INSL6: variants seen among roughly 807,000 people sequenced by gnomAD.
INSL6 encodes the protein insulin-like peptide INSL6.
In INSL6, 16 loss-of-function variants were observed where a neutral mutation model predicts 9.4. The ratio of observed to expected loss-of-function variants is 1.70; its 90% CI spans 1.15 to 2.59. INSL6 has a LOEUF of 2.59. Ranked by LOEUF, INSL6 falls within the 30% of genes most tolerant of loss-of-function variation. The pLI is 0.00. For missense variants in INSL6, 391 were observed against 257.3 expected (o/e 1.52, Z -3.56); for synonymous variants, 154 against 96.9 (o/e 1.59, Z -3.46).
chr9:5,067,619 A>G, the INSL6 span, among the ~76,000 whole-genome samples: 1 of 152,010 alleles, frequency 6.6e-6, no homozygotes, highest in Non-Finnish European at 1.5e-5. Flanking sequence ...ACTATAACAG[A>G]TAATAGTACA....
chr9:5,149,151 G>A (rs1392587964), intron 2 of INSL6, among the ~76,000 whole-genome samples: 5 of 152,188 alleles, frequency 3.3e-5, no homozygotes, highest in Admixed American at 2.6e-4. Context: ...ACACATCTGT[G>A]GGAGTGTGGG....
the INSL6 span, chr9:5,029,780 T>C: frequency 1.2e-6 from 2 of 1,602,778 alleles, no homozygotes; most frequent in Non-Finnish European, 1.7e-6. Context: ...GCTTCTTTTC[T>C]AGGTATCACA....
chr9:5,115,652 G>A, the INSL6 span, among the ~76,000 whole-genome samples: 9 of 152,250 alleles, frequency 5.9e-5, no homozygotes, highest in African/African-American at 1.9e-4. Context: ...CAAAGACTTG[G>A]AACCAACCCA....
chr9:5,185,319 T>A lies in INSL6; in HGVS notation c.284A>T (p.Asn95Ile). ...TASPARGRGT[N>I]PVSTSWEEAV... ...CCTTCGGTTTCGATTTTTACCTGGG[T>A]TTGTGCCTCTTCCCCGGGCCGGGGA... Residue 95 changes from asparagine to isoleucine, a missense_variant, in exon 1 of 2, where the codon AAC becomes ATC. Physicochemically the swap from Asn to Ile is moderately radical, Grantham distance 149. Transcript: ENST00000381641. 3 of 1,613,892 alleles carry A rather than the reference T, an allele frequency of 1.9e-6. No individual in the cohort carries two copies. Among genetic ancestry groups the A allele is most frequent in the Non-Finnish European group, 2.5e-6 (3 of 1,179,930 alleles).
intron 2 of INSL6, among the ~76,000 whole-genome samples, chr9:5,157,225 T>G (rs1046751450): frequency 6.6e-6 from 1 of 152,020 alleles, no homozygotes; most frequent in African/African-American, 2.4e-5. Flanking sequence ...CCCCAAAAAG[T>G]GTTGTAAAAA....
At chr9:5,007,398 A>G in the INSL6 span, among the ~76,000 whole-genome samples, 1 of 152,068 alleles carries the variant, frequency 6.6e-6, no homozygotes, top group African/African-American at 2.4e-5. Context: ...TTTTCTGTAT[A>G]TGCTGTGGTA....
the INSL6 span, among the ~76,000 whole-genome samples, chr9:5,081,257 G>GT: frequency 4.2e-5 from 4 of 94,846 alleles, no homozygotes; most frequent in East Asian, 9.7e-4. Context: ...GTAAATTATA[G>GT]TATTTTTTTT....
At chr9:5,076,581 A>C in the INSL6 span, among the ~76,000 whole-genome samples, 1 of 152,194 alleles carries the variant, frequency 6.6e-6, no homozygotes, top group Non-Finnish European at 1.5e-5. Context: ...ATTATAGTGT[A>C]TATACAAGTT....
the INSL6 span, chr9:5,097,217 A>G: frequency 6.6e-6 from 1 of 152,158 alleles, no homozygotes. Flanking sequence ...TTTTCGTCCA[A>G]CCATTCCTCA....
At chr9:5,083,968 A>G in the INSL6 span, among the ~76,000 whole-genome samples, 5 of 147,338 alleles carry the variant, frequency 3.4e-5, no homozygotes, top group African/African-American at 1.2e-4. Context: ...CCCATTATTA[A>G]TATTCTTTTG....
chr9:5,185,510 C>A lies in INSL6; in HGVS notation c.93G>T (p.Lys31Asn). Residue 31 changes from lysine to asparagine, a missense_variant, in exon 1 of 2, where the codon AAG becomes AAT. Transcript: ENST00000381641. ...RELSDISSAR[K>N]LCGRYLVKEI... is the part of the protein sequence containing the mutation. ...CTTTCACCAAGTACCTGCCGCACAG[C>A]TTCCTGGCACTGCTGATGTCGCTCA... is the stretch of plus-strand genomic sequence containing the variant. 2 of 1,614,210 alleles carry A rather than the reference C, an allele frequency of 1.2e-6. No homozygotes were observed. The highest frequency in any genetic ancestry group is 1.1e-5 in the South Asian group (1 of 91,080).
chr9:5,185,315 T>G lies in INSL6; in HGVS notation c.288A>C (p.Pro96=). Residue 96 remains proline (P), a splice_region_variant and synonymous_variant, in exon 1 of 2, where the codon CCA becomes CCC. Coordinates refer to ENST00000381641, the MANE Select transcript of INSL6 (RefSeq NM_007179.3). ...ASPARGRGTN[P]VSTSWEEAVN... is the part of the protein sequence containing the mutation. The stretch of plus-strand genomic sequence containing the variant: ...CATGCCTTCGGTTTCGATTTTTACC[T>G]GGGTTTGTGCCTCTTCCCCGGGCCG... 1.2e-6 allele frequency: 2 copies of G among 1,614,084 alleles called. No homozygotes were observed. Among genetic ancestry groups the G allele is most frequent in the Non-Finnish European group, 1.7e-6 (2 of 1,179,988 alleles).
intron 3 of INSL6, chr9:5,132,795 G>A (rs1824316595): frequency 6.6e-6 from 1 of 152,182 alleles, no homozygotes; most frequent in Admixed American, 6.5e-5. Flanking sequence ...AGGAATCCTG[G>A]ATAATCTTAC....
chr9:5,153,201 T>G (rs1824745983), intron 2 of INSL6, among the ~76,000 whole-genome samples: 1 of 151,354 alleles, frequency 6.6e-6, no homozygotes, highest in Non-Finnish European at 1.5e-5. Flanking sequence ...AACCGTTCAC[T>G]CCCCTGAAAA....
At chr9:5,010,009 C>T in the INSL6 span, among the ~76,000 whole-genome samples, 1 of 152,156 alleles carries the variant, frequency 6.6e-6, no homozygotes, top group African/African-American at 2.4e-5. Context: ...CAGGCTCAAA[C>T]GATCCTCTCG....
intron 2 of INSL6, among the ~76,000 whole-genome samples, chr9:5,157,347 T>C (rs113064537): frequency 3.9e-5 from 6 of 152,236 alleles, no homozygotes; most frequent in African/African-American, 1.4e-4. Context: ...AATTTAAAGA[T>C]GTAATATACA....
intron 2 of INSL6, among the ~76,000 whole-genome samples, chr9:5,147,252 G>C (rs959949566): frequency 2.0e-5 from 3 of 152,242 alleles, no homozygotes; most frequent in Admixed American, 2.0e-4. Flanking sequence ...TAAACCAGGG[G>C]GTTCCCTGTT....
the INSL6 span, among the ~76,000 whole-genome samples, chr9:5,013,057 TA>T: frequency 6.6e-6 from 1 of 152,200 alleles, no homozygotes; most frequent in Admixed American, 6.5e-5. Context: ...GGACTGGATA[TA>T]GGGGTGAAAA....
At chr9:5,056,267 C>T in the INSL6 span, among the ~76,000 whole-genome samples, 15 of 152,044 alleles carry the variant, frequency 9.9e-5, no homozygotes, top group Non-Finnish European at 7.4e-5. Context: ...AAAAGATTAA[C>T]GCTTTCTCTT....
Sources: allele counts gnomAD v4.1 joint callset (sites outside exome capture counted in the v4.1 genomes callset), GRCh38; gene constraint gnomAD v4.1.1; transcripts MANE v1.5; gene names NCBI Gene and HGNC (gene_info 2026-07-23, HGNC 2026-07-21).